The following ITGB8 variants were observed in gnomAD, a reference collection of about 807,000 sequenced individuals.
ITGB8 encodes the protein integrin beta-8.
ITGB8 carries 30 observed loss-of-function variants against 89.5 expected under a neutral mutation model. The ratio of observed to expected loss-of-function variants is 0.34; its 90% CI spans 0.25 to 0.45. The LOEUF is 0.45. Ranked by LOEUF, ITGB8 falls within the 20% of genes least tolerant of loss-of-function variation. The probability of loss-of-function intolerance (pLI) is 1.00; values close to 1 mark genes in which losing one functional copy is unlikely to be tolerated. For missense variants in ITGB8, 836 were observed against 933.3 expected (o/e 0.90, Z 1.36); for synonymous variants, 335 against 320.4 (o/e 1.05, Z -0.49).
intron 1 of ITGB8, among the ~76,000 whole-genome samples, chr7:20,333,650 G>A (rs545802336): frequency 2.4e-4 from 36 of 152,228 alleles, no homozygotes; most frequent in African/African-American, 7.5e-4. Context: ...TCTACCCAGT[G>A]TCTAAAACTG....
intron 3 of ITGB8, among the ~76,000 whole-genome samples, chr7:20,374,538 T>C (rs7788942): frequency 0.036 from 5,392 of 150,292 alleles, 325 homozygotes; most frequent in African/African-American, 0.12. Context: ...CATAATTGTA[T>C]GGTAAACACT....
At chr7:20,385,360 A>C (rs968270648) in intron 6 of ITGB8, among the ~76,000 whole-genome samples, 4 of 152,230 alleles carry the variant, frequency 2.6e-5, no homozygotes, top group African/African-American at 9.7e-5. Flanking sequence ...TATATTCACT[A>C]GTATTTACTG....
At chr7:20,343,292 A>T (rs1050029063) in intron 1 of ITGB8, among the ~76,000 whole-genome samples, 1 of 152,220 alleles carries the variant, frequency 6.6e-6, no homozygotes. Context: ...TTTTTAACAG[A>T]TAATGTATAT....
chr7:20,331,478 T>C lies in ITGB8; in HGVS notation c.-329T>C. On this transcript the variant is annotated 5_prime_UTR_variant, in exon 1 of 14. Coordinates refer to ENST00000222573, the MANE Select transcript of ITGB8 (RefSeq NM_002214.3). Reference sequence around the variant, plus strand: ...CGGCTGGAGAGAAACAAAAGCTCTTTTCTTTGTCCCGGAGCAGGCTGCGGA... The same window carrying C: ...CGGCTGGAGAGAAACAAAAGCTCTTCTCTTTGTCCCGGAGCAGGCTGCGGA... The C allele has an allele frequency of 2.4e-6, 1 of 416,982 alleles. No individual in the cohort carries two copies. Among genetic ancestry groups the C allele is most frequent in the Non-Finnish European group, 4.2e-6 (1 of 239,010 alleles). 25.8% of individuals were successfully genotyped at this position (416,982 alleles called of 1,614,324 possible). A position where few individuals can be genotyped will look rare whatever the true frequency, so the allele number is the denominator to read the frequency against.
intron 4 of ITGB8, 136 bp downstream of exon 4, chr7:20,379,433 G>T (rs530102783): frequency 4.3e-6 from 2 of 465,118 alleles, no homozygotes; most frequent in South Asian, 1.6e-4. Context: ...GGTGAGGTGG[G>T]GAGGTTTCTT....
intron 1 of ITGB8, among the ~76,000 whole-genome samples, chr7:20,336,777 A>T (rs893020203): frequency 6.6e-6 from 1 of 152,158 alleles, no homozygotes; most frequent in Non-Finnish European, 1.5e-5. Flanking sequence ...TCCTTGAGGG[A>T]AGAAGCTGCC....
At chr7:20,363,488 A>C (rs573744810) in intron 1 of ITGB8, 149 bp from the exon 2 acceptor site, 1 of 456,762 alleles carries the variant, frequency 2.2e-6, no homozygotes, top group Non-Finnish European at 3.9e-6. Flanking sequence ...AATAAATTAT[A>C]TATCTTTGTT....
rs377205453 is a variant in ITGB8 at position 20,368,248 on chromosome 7, G to A, written c.388+1062G>A. On this transcript the variant is annotated intron_variant, in intron 3 of 13. Coordinates refer to ENST00000222573, the MANE Select transcript of ITGB8 (RefSeq NM_002214.3). Reference sequence around the variant, plus strand: ...CAGTTGGAAAGGAATATACAAAAATGAAAGTAATTAGATTGGTAAGATTAT... The same window carrying A: ...CAGTTGGAAAGGAATATACAAAAATAAAAGTAATTAGATTGGTAAGATTAT... Among the ~76,000 whole-genome samples the A allele has an allele frequency of 5.5e-4, 83 of 152,286 alleles. No homozygotes were observed. The East Asian group carries it at 0.014, about 27-fold the overall frequency.
chr7:20,334,558 A>G (rs1316553534), intron 1 of ITGB8, among the ~76,000 whole-genome samples: 1 of 152,152 alleles, frequency 6.6e-6, no homozygotes, highest in African/African-American at 2.4e-5. Flanking sequence ...AATCAACTAG[A>G]TTAACATTAT....
At chr7:20,407,863 T>C (rs1366941900) in intron 12 of ITGB8, among the ~76,000 whole-genome samples, 3 of 152,212 alleles carry the variant, frequency 2.0e-5, no homozygotes, top group African/African-American at 7.2e-5. Context: ...TGACCACTCA[T>C]AGCATTTAAA....
In ITGB8 at chr7:20,401,721, G is replaced by T; in HGVS notation, c.1282G>T (p.Val428Phe). Reference protein sequence around the residue: ...GCRNVTSNDEVLFNVTVTMKK... With the variant: ...GCRNVTSNDEFLFNVTVTMKK... ...ATTTCCTTTTTCCTCCTAAATTTAG[G>T]TTCTTTTCAATGTAACAGTTACAAT... The change falls in exon 10 of 14, where the codon GTT becomes TTT. Residue 428 changes from valine to phenylalanine, a missense_variant and splice_region_variant. Coordinates refer to ENST00000222573, the MANE Select transcript of ITGB8 (RefSeq NM_002214.3). The T allele has an allele frequency of 6.6e-7, 1 of 1,523,096 alleles. No homozygotes were observed. Among genetic ancestry groups the T allele is most frequent in the Non-Finnish European group, 8.8e-7 (1 of 1,139,362 alleles). The allele number at this position is 1,523,096 out of a possible 1,614,324, so 94.3% of individuals were successfully genotyped here.
Position 20,412,450 on chromosome 7 carries a change from TATG to T in ITGB8, c.*2456_*2458del, listed in dbSNP as rs1259426305. On this transcript the variant is annotated 3_prime_UTR_variant, in exon 14 of 14. Coordinates refer to ENST00000222573, the MANE Select transcript of ITGB8 (RefSeq NM_002214.3). ...TGATGACAATTTTTGAAATGAACAT[TATG>T]ATATTTATGAACAATAAACAAATTT... The T allele has an allele frequency of 1.3e-5, 2 of 152,608 alleles. No homozygotes were observed. The highest frequency in any genetic ancestry group is 2.4e-5 in the African/African-American group (1 of 41,526). 9.5% of individuals were successfully genotyped at this position (152,608 alleles called of 1,614,324 possible).
At chr7:20,338,901 A>G (rs1226792785) in intron 1 of ITGB8, among the ~76,000 whole-genome samples, 1 of 102,646 alleles carries the variant, frequency 9.7e-6, no homozygotes, top group African/African-American at 2.7e-5. Context: ...ATTTTAAAAA[A>G]TATCTTAGAA....
chr7:20,395,285 G>A (rs141143766), intron 8 of ITGB8, among the ~76,000 whole-genome samples: 2 of 152,276 alleles, frequency 1.3e-5, no homozygotes, highest in African/African-American at 2.4e-5. Flanking sequence ...GCTATAGAAT[G>A]TACATTATTA....
At chr7:20,405,566 C>A (rs536523299) in intron 11 of ITGB8, among the ~76,000 whole-genome samples, 1 of 151,896 alleles carries the variant, frequency 6.6e-6, no homozygotes, top group Non-Finnish European at 1.5e-5. Context: ...GATCCACCCA[C>A]CTCGGCCTCC....
rs114848409 is a variant in ITGB8, at chr7:20,387,746, A to G, written c.961-3657A>G. On this transcript the variant is annotated intron_variant, in intron 6 of 13. Coordinates refer to ENST00000222573, the MANE Select transcript of ITGB8 (RefSeq NM_002214.3). The stretch of plus-strand genomic sequence containing the variant: ...AAAATATATCCAGCCCAAACTGTCA[A>G]TAGCACTACTCTTGAGAAACCCTGG... 2.7e-3 allele frequency among the ~76,000 whole-genome samples: 417 copies of G among 152,352 alleles called. 3 individuals are homozygous for G. The highest frequency in any genetic ancestry group is 9.4e-3 in the African/African-American group (392 of 41,576).
Position 20,402,009 on chromosome 7 carries a change from G to A in ITGB8, c.1570G>A (p.Gly524Arg). The change falls in exon 10 of 14, where the codon GGA becomes AGA. Residue 524 changes from glycine (G) to arginine (R), a missense_variant. By Grantham distance (125) the Gly-to-Arg change is moderately radical. This residue lies in a region of ITGB8 where 422 missense variants were observed against 416.9 expected (regional missense o/e 1.01). Transcript: ENST00000222573. ...GGATCAGCCTGTTTGCAGTGGTCGA[G>A]GAGTTTGTGTTTGTGGGAAATGTTC... ...HKDQPVCSGR[G>R]VCVCGKCSCH... 6.2e-7 allele frequency: 1 copy of A among 1,614,164 alleles called. No individual in the cohort carries two copies. Among genetic ancestry groups the A allele is most frequent in the Non-Finnish European group, 8.5e-7 (1 of 1,180,010 alleles).
At chr7:20,364,989 T>C (rs1330543339) in intron 2 of ITGB8, 2 of 152,180 alleles carry the variant, frequency 1.3e-5, no homozygotes, top group Non-Finnish European at 1.5e-5. Context: ...TGAGGGTAGT[T>C]TGGAAGAGCC....
In ITGB8 at chr7:20,372,672, AAG is replaced by A. The variant is rs140397022; in HGVS notation, c.388+5490_388+5491del. Among the ~76,000 whole-genome samples the A allele has an allele frequency of 3.6e-3, 555 of 152,242 alleles. 3 individuals carry two copies. The highest frequency in any genetic ancestry group is 0.013 in the African/African-American group (521 of 41,542). On this transcript the variant is annotated intron_variant, in intron 3 of 13. Transcript: ENST00000222573. ...ATCATGGGGAGTAGGAGAGTGAAAAAAGAGAAATAATTTTATGTCAGTCATTG... is the reference window on the plus strand; with the variant it reads ...ATCATGGGGAGTAGGAGAGTGAAAAAAGAAATAATTTTATGTCAGTCATTG...
Sources: gnomAD v4.1 joint callset for allele counts (sites outside exome capture counted in the v4.1 genomes callset) on GRCh38, gnomAD v4.1.1 for gene constraint, gnomAD v4.1.1 regional missense constraint, MANE v1.5 for transcripts, NCBI Gene and HGNC (gene_info 2026-07-23, HGNC 2026-07-21) for gene names.